The following GPC6 variants were observed in gnomAD, a reference collection of about 807,000 sequenced individuals.
GPC6 encodes the protein glypican 6.
In GPC6, 14 loss-of-function variants were observed where a neutral mutation model predicts 55.2. The ratio of observed to expected loss-of-function variants is 0.25; its 90% CI spans 0.17 to 0.40. The LOEUF is 0.40. Ranked by LOEUF, GPC6 falls within the 10% of genes least tolerant of loss-of-function variation. The pLI is 1.00. For synonymous variants in GPC6, 278 were observed against 259.6 expected (o/e 1.07, Z -0.68); for missense variants, 641 against 708.5 (o/e 0.90, Z 1.08).
chr13:93,957,985 T>C (rs1207731425), intron 3 of GPC6, among the ~76,000 whole-genome samples: 1 of 152,228 alleles, frequency 6.6e-6, no homozygotes, highest in Non-Finnish European at 1.5e-5. Flanking sequence ...CATTTTTCCA[T>C]ATGTTTGTTG....
intron 2 of GPC6, among the ~76,000 whole-genome samples, chr13:93,715,004 C>G (rs562504405): frequency 6.6e-6 from 1 of 151,500 alleles, no homozygotes; most frequent in African/African-American, 2.4e-5. Flanking sequence ...ATATAAGGAG[C>G]AATGAAGGTC....
At position 93,636,202 on chromosome 13, in the gene GPC6, A is replaced by G. The variant is rs535466962; in HGVS notation, c.319+90781A>G. On this transcript the variant is annotated intron_variant, in intron 2 of 8. Transcript: ENST00000377047. ...AGTTATAACAACAAGCTAATATAAG[A>G]TTTTAATTAAGATAGTAGAGGTTAT... Among the ~76,000 whole-genome samples the G allele has an allele frequency of 5.7e-4, 87 of 152,292 alleles. 1 individual carries two copies. Among genetic ancestry groups the G allele is most frequent in the Non-Finnish European group, 8.2e-4 (56 of 68,016 alleles).
chr13:93,510,983 ATG>A lies in GPC6; in HGVS notation c.161-34276_161-34275del, dbSNP rs750512690. ...TATATATATATATGTGTATATATAT[ATG>A]TGTATATATATATATATATATTCAT... On this transcript the variant is annotated intron_variant, in intron 1 of 8. Transcript: ENST00000377047. Among the ~76,000 whole-genome samples, 128 of 36,828 alleles carry A rather than the reference ATG, an allele frequency of 3.5e-3. 2 individuals carry two copies. The highest frequency in any genetic ancestry group is 0.014 in the East Asian group (7 of 494). The allele number at this position is 36,828 out of a possible 152,430, so 24.2% of individuals were successfully genotyped here.
intron 3 of GPC6, chr13:94,025,462 A>G (rs1882862015): frequency 6.6e-6 from 1 of 150,716 alleles, no homozygotes. Flanking sequence ...GTGATAAAGG[A>G]AAATTCTGAA....
chr13:93,878,819 AT>A (rs1874768937), intron 3 of GPC6, among the ~76,000 whole-genome samples: 1 of 152,118 alleles, frequency 6.6e-6, no homozygotes, highest in Admixed American at 6.6e-5. Flanking sequence ...TGAGAAATAA[AT>A]TTCCATTGTT....
chr13:94,048,361 C>G (rs1050040615), intron 4 of GPC6, among the ~76,000 whole-genome samples: 1 of 151,856 alleles, frequency 6.6e-6, no homozygotes, highest in Non-Finnish European at 1.5e-5. Context: ...TTTTCCCATA[C>G]TACTAGAGGC....
At chr13:94,162,010 C>T (rs190436641) in intron 4 of GPC6, among the ~76,000 whole-genome samples, 21 of 152,208 alleles carry the variant, frequency 1.4e-4, no homozygotes, top group East Asian at 5.8e-4. Context: ...ACTACAAGGA[C>T]GGTATGGGAG....
chr13:93,410,747 G>A (rs17267697), intron 1 of GPC6, among the ~76,000 whole-genome samples: 7,963 of 152,236 alleles, frequency 0.052, 306 homozygotes, highest in Non-Finnish European at 0.078. Flanking sequence ...GATAGTCTTT[G>A]AGTTTCTGGC....
At chr13:94,037,019 T>TA (rs1478510720) in intron 4 of GPC6, among the ~76,000 whole-genome samples, 9 of 151,994 alleles carry the variant, frequency 5.9e-5, no homozygotes, top group African/African-American at 2.2e-4. Flanking sequence ...GAGTTGAACA[T>TA]ACATAGAAAT....
At chr13:94,012,322 A>T (rs1262094676) in intron 3 of GPC6, among the ~76,000 whole-genome samples, 1 of 152,132 alleles carries the variant, frequency 6.6e-6, no homozygotes, top group Non-Finnish European at 1.5e-5. Flanking sequence ...GGGTGAGGTT[A>T]AGAATGGGCA....
At chr13:93,792,661 C>T (rs1009430688) in intron 2 of GPC6, among the ~76,000 whole-genome samples, 6 of 152,146 alleles carry the variant, frequency 3.9e-5, no homozygotes, top group Non-Finnish European at 5.9e-5. Context: ...AGAATCAGGT[C>T]GCATAATGAG....
the GPC6 span, among the ~76,000 whole-genome samples, chr13:93,219,901 T>G: frequency 6.6e-6 from 1 of 152,182 alleles, no homozygotes. Context: ...ATATTAAAAT[T>G]TTTAAAAAGC....
At chr13:93,941,868 T>C (rs1431058300) in intron 3 of GPC6, among the ~76,000 whole-genome samples, 1 of 152,208 alleles carries the variant, frequency 6.6e-6, no homozygotes, top group Non-Finnish European at 1.5e-5. Context: ...AAAAAGTATA[T>C]TTAAATTGGT....
At chr13:94,190,912 A>G (rs1450318442) in intron 4 of GPC6, among the ~76,000 whole-genome samples, 3 of 152,216 alleles carry the variant, frequency 2.0e-5, no homozygotes, top group Non-Finnish European at 4.4e-5. Flanking sequence ...TAAGTGGTAC[A>G]TATTAGTATG....
chr13:93,517,323 A>G (rs1431439517), intron 1 of GPC6, among the ~76,000 whole-genome samples: 2 of 152,030 alleles, frequency 1.3e-5, no homozygotes, highest in African/African-American at 4.8e-5. Context: ...ATGTGTTTTC[A>G]AGGCCAAGCC....
At chr13:94,139,818 G>C (rs1008403813) in intron 4 of GPC6, among the ~76,000 whole-genome samples, 20 of 152,096 alleles carry the variant, frequency 1.3e-4, no homozygotes, top group Non-Finnish European at 2.8e-4. Flanking sequence ...TGTTTCCTTA[G>C]TCATATCTGA....
At chr13:93,958,074 G>A (rs139844117) in intron 3 of GPC6, among the ~76,000 whole-genome samples, 22 of 151,976 alleles carry the variant, frequency 1.4e-4, no homozygotes, top group Admixed American at 3.9e-4. Context: ...TGATTTTTTC[G>A]TGTTAATTTG....
At chr13:94,040,141 C>G (rs564661544) in intron 4 of GPC6, among the ~76,000 whole-genome samples, 1 of 151,684 alleles carries the variant, frequency 6.6e-6, no homozygotes, top group African/African-American at 2.4e-5. Context: ...TCTAGAATTA[C>G]GTTCTTCTGG....
chr13:93,442,423 A>G (rs1877840044), intron 1 of GPC6, among the ~76,000 whole-genome samples: 3 of 152,216 alleles, frequency 2.0e-5, no homozygotes, highest in African/African-American at 7.2e-5. Flanking sequence ...TGAAGATTAC[A>G]TGTGTACCTG....
Sources: allele counts gnomAD v4.1 joint callset (sites outside exome capture counted in the v4.1 genomes callset), GRCh38; gene constraint gnomAD v4.1.1; transcripts MANE v1.5; gene names NCBI Gene and HGNC (gene_info 2026-07-23, HGNC 2026-07-21).